The following NKIRAS1 variants were observed in gnomAD, a reference collection of about 807,000 sequenced individuals.
NKIRAS1 encodes NFKB inhibitor interacting Ras like 1.
A neutral mutation model predicts 19.8 loss-of-function variants in NKIRAS1; 16 were observed. The ratio of observed to expected loss-of-function variants is 0.81; its 90% confidence interval spans 0.55 to 1.23. The LOEUF is 1.23. NKIRAS1 is among the 50% of genes most tolerant of loss of function. NKIRAS1 has a pLI of 0.00. For missense variants in NKIRAS1, 184 were observed against 220.0 expected (o/e 0.84, Z 1.04); for synonymous variants, 88 against 79.0 (o/e 1.11, Z -0.61).
upstream of NKIRAS1, chr3:23,920,039 C>T (rs987862953): frequency 1.0e-6 from 1 of 986,058 alleles, no homozygotes; most frequent in Non-Finnish European, 1.2e-6. Context: ...GGCTTCATGG[C>T]ATTCAGTGAT....
Position 23,926,379 on chromosome 3 carries a change from CTTCT to C in NKIRAS1, c.-139-14933_-139-14930del, listed in dbSNP as rs1202505268. Among the ~76,000 whole-genome samples, 1 of 152,062 alleles carries C rather than the reference CTTCT, an allele frequency of 6.6e-6. No individual in the cohort carries two copies. The highest frequency in any genetic ancestry group is 1.5e-5 in the Non-Finnish European group (1 of 67,996). On this transcript the variant is annotated intron_variant, in intron 1 of 4. Coordinates refer to the NKIRAS1 transcript ENST00000421515. This position sits in a 1 kb window ranked among gnomAD's most constrained non-coding sequence, Gnocchi z 4.3. ...AGTACTGACTTAGACCCTTGAAATT[CTTCT>C]TTATTTCTTCTTCTTTCTTCTTCCT...
chr3:23,921,828 G>A (rs1185282477), upstream of NKIRAS1: 6 of 547,074 alleles, frequency 1.1e-5, no homozygotes, highest in East Asian at 1.9e-4. Flanking sequence ...ACCTGCCTTG[G>A]CCTCCCAAAG....
At chr3:23,912,973 G>C (rs1320663619) in intron 1 of NKIRAS1, among the ~76,000 whole-genome samples, 1 of 150,320 alleles carries the variant, frequency 6.7e-6, no homozygotes, top group Non-Finnish European at 1.5e-5. Flanking sequence ...AAAATTAGGT[G>C]GGGCTTGCAG....
intron 1 of NKIRAS1, among the ~76,000 whole-genome samples, chr3:23,945,808 T>TGCCGGCGCCCGGCCC (rs1469401737): frequency 6.7e-6 from 1 of 149,924 alleles, no homozygotes; most frequent in East Asian, 2.0e-4. Flanking sequence ...CAGCGCGGCC[T>TGCCGGCGCCCGGCCC]GCCGGCGCCC....
intron 1 of NKIRAS1, among the ~76,000 whole-genome samples, chr3:23,929,094 G>T (rs969331300): frequency 1.3e-5 from 2 of 151,256 alleles, no homozygotes; most frequent in East Asian, 2.0e-4. Context: ...AGGCGTGGTG[G>T]CTCATGCCTG....
intron 1 of NKIRAS1, among the ~76,000 whole-genome samples, chr3:23,924,853 T>TA (rs1401601889): frequency 6.6e-6 from 1 of 152,256 alleles, no homozygotes; most frequent in Non-Finnish European, 1.5e-5. Flanking sequence ...TCAGGCAGAC[T>TA]AAATGAGGCA....
At chr3:23,919,825 G>A (rs2125257047), upstream of NKIRAS1, 24 of 1,042,324 alleles carry the variant, frequency 2.3e-5, no homozygotes, top group Non-Finnish European at 2.7e-5. Flanking sequence ...TCTGGTGCAT[G>A]TGATGAAACC....
intron 1 of NKIRAS1, among the ~76,000 whole-genome samples, chr3:23,937,912 T>C (rs1705425937): frequency 6.6e-6 from 1 of 152,144 alleles, no homozygotes; most frequent in Non-Finnish European, 1.5e-5. Flanking sequence ...TTTTACCTAC[T>C]AGATTCTTCT....
intron 1 of NKIRAS1, among the ~76,000 whole-genome samples, chr3:23,944,000 G>A (rs1705561733): frequency 6.6e-6 from 1 of 152,204 alleles, no homozygotes; most frequent in Non-Finnish European, 1.5e-5. Context: ...AGTGACTGTA[G>A]GAGGACCCAA....
At chr3:23,911,013 T>C in intron 2 of NKIRAS1, 92 bp from the exon 3 acceptor site, 1 of 926,392 alleles carries the variant, frequency 1.1e-6, no homozygotes, top group Non-Finnish European at 1.7e-6. Flanking sequence ...ATGTAACACA[T>C]GCACAGGGGA....
At chr3:23,945,286 G>T (rs551642237) in intron 1 of NKIRAS1, 7 of 154,970 alleles carry the variant, frequency 4.5e-5, no homozygotes, top group African/African-American at 1.7e-4. Flanking sequence ...TGCCCTCCCC[G>T]TCAGCCGCCC....
intron 1 of NKIRAS1, among the ~76,000 whole-genome samples, chr3:23,925,651 A>G (rs1705200580): frequency 6.6e-6 from 1 of 151,986 alleles, no homozygotes; most frequent in Non-Finnish European, 1.5e-5. Context: ...TAAATAAATA[A>G]ATAAATAAAT....
At chr3:23,901,177 TA>T in intron 3 of NKIRAS1, 128 bp from the exon 4 acceptor site, 3 of 1,061,244 alleles carry the variant, frequency 2.8e-6, no homozygotes, top group Admixed American at 2.4e-5. Context: ...ATTTCTATTT[TA>T]CTTTTTTTTT....
chr3:23,921,570 G>GTTGTGTT, upstream of NKIRAS1: 1 of 508,322 alleles, frequency 2.0e-6, no homozygotes. Flanking sequence ...TGATTATTGA[G>GTTGTGTT]TTTTTTTTTT....
chr3:23,916,036 T>C (rs1288849366), intron 1 of NKIRAS1: 2 of 152,208 alleles, frequency 1.3e-5, no homozygotes, highest in African/African-American at 4.8e-5. Flanking sequence ...GCCTGGCACA[T>C]ATTAGACACT....
At chr3:23,909,993 C>T (rs1703514070) in intron 3 of NKIRAS1, among the ~76,000 whole-genome samples, 1 of 151,156 alleles carries the variant, frequency 6.6e-6, no homozygotes, top group East Asian at 1.9e-4. Flanking sequence ...TGAGTAGCTG[C>T]GACTACAGGC....
chr3:23,901,611 C>G (rs554609183), intron 3 of NKIRAS1, among the ~76,000 whole-genome samples: 1 of 152,278 alleles, frequency 6.6e-6, no homozygotes, highest in Non-Finnish European at 1.5e-5. Context: ...TTCAACTAGT[C>G]TCTAAGTTTA....
rs1484939180 is a variant in NKIRAS1, at chr3:23,922,408, T to G, written c.-139-10958A>C. On this transcript the variant is annotated intron_variant, in intron 1 of 4. Coordinates refer to the NKIRAS1 transcript ENST00000421515. This position sits in a 1 kb window ranked among gnomAD's most constrained non-coding sequence, Gnocchi z 4.2. ...TTAAAGTTTATTTGTTTTGTTTTGG[T>G]TTTTTTTGAGATGGAGTCTCACTGT... The G allele has an allele frequency of 1.3e-5, 2 of 152,068 alleles. No homozygotes were observed. Among genetic ancestry groups the G allele is most frequent in the African/African-American group, 2.4e-5 (1 of 41,402 alleles). 9.4% of individuals were successfully genotyped at this position (152,068 alleles called of 1,614,324 possible). A position where few individuals can be genotyped will look rare whatever the true frequency, so the allele number is the denominator to read the frequency against.
intron 1 of NKIRAS1, among the ~76,000 whole-genome samples, chr3:23,929,304 C>T (rs1705266013): frequency 6.6e-6 from 1 of 152,044 alleles, no homozygotes; most frequent in Admixed American, 6.5e-5. Context: ...GCAGAGGTTG[C>T]AGTGAGCCGA....
Sources: gnomAD v4.1 joint callset for allele counts (sites outside exome capture counted in the v4.1 genomes callset) on GRCh38, gnomAD v4.1.1 for gene constraint, Gnocchi (gnomAD v3.1) non-coding constraint, MANE v1.5 for transcripts, NCBI Gene and HGNC (gene_info 2026-07-23, HGNC 2026-07-21) for gene names.